ARHGAP22: variants seen among roughly 807,000 people sequenced by gnomAD.
ARHGAP22 encodes the protein Rho GTPase activating protein 22.
In ARHGAP22, 48 loss-of-function variants were observed where a neutral mutation model predicts 59.1. The observed-to-expected ratio is 0.81, with a 90% CI of 0.64 to 1.03. The LOEUF (loss-of-function observed/expected upper bound fraction) is 1.03, where lower values mean the gene tolerates loss of function less well. ARHGAP22 is among the 50% of genes least tolerant of loss of function. The probability of loss-of-function intolerance (pLI) is 0.00; values close to 1 mark genes in which losing one functional copy is unlikely to be tolerated. For synonymous variants in ARHGAP22, 445 were observed against 416.4 expected (o/e 1.07, Z -0.84); for missense variants, 1,015 against 958.7 (o/e 1.06, Z -0.78).
At chr10:48,474,563 T>A (rs374038772) in intron 4 of ARHGAP22, among the ~76,000 whole-genome samples, 5 of 152,224 alleles carry the variant, frequency 3.3e-5, no homozygotes, top group Non-Finnish European at 7.3e-5. Flanking sequence ...TATGTTATTA[T>A]CAGTGGGCTT....
At chr10:48,643,766 T>C (rs201442322) in intron 1 of ARHGAP22, among the ~76,000 whole-genome samples, 1 of 136,986 alleles carries the variant, frequency 7.3e-6, no homozygotes, top group African/African-American at 2.8e-5. Context: ...AAAAAAAAAA[T>C]ATATATATAT....
At chr10:48,593,455 C>T (rs1192474095) in intron 1 of ARHGAP22, among the ~76,000 whole-genome samples, 1 of 152,200 alleles carries the variant, frequency 6.6e-6, no homozygotes, top group East Asian at 1.9e-4. Context: ...CCTATACATA[C>T]ATATCTATGA....
At chr10:48,534,248 C>A (rs981759549) in intron 3 of ARHGAP22, among the ~76,000 whole-genome samples, 2 of 152,202 alleles carry the variant, frequency 1.3e-5, no homozygotes, top group Non-Finnish European at 2.9e-5. Flanking sequence ...ATTCCTGGGC[C>A]ACATTTTTCT....
chr10:48,547,550 C>T (rs937785294), intron 3 of ARHGAP22, among the ~76,000 whole-genome samples: 2 of 152,234 alleles, frequency 1.3e-5, no homozygotes, highest in African/African-American at 4.8e-5. Context: ...ATGGGGCTCC[C>T]AGCCCAAAGC....
rs2052918027 is a variant in ARHGAP22, at chr10:48,512,833, C to T, written c.323-33069G>A. On this transcript the variant is annotated intron_variant, in intron 3 of 9. Transcript: ENST00000249601. Reference sequence around the variant, plus strand: ...GACCAAGCCCTCGGGTACCTTAACCCACCTCCATGTCACCACTTAGCATTT... The same window carrying T: ...GACCAAGCCCTCGGGTACCTTAACCTACCTCCATGTCACCACTTAGCATTT... Among the ~76,000 whole-genome samples the T allele has an allele frequency of 2.6e-5, 4 of 152,186 alleles. No individual in the cohort carries two copies. In the South Asian group the frequency reaches 8.3e-4, roughly 32 times the overall value.
At chr10:48,604,482 C>T (rs1332970866) in intron 1 of ARHGAP22, among the ~76,000 whole-genome samples, 1 of 152,228 alleles carries the variant, frequency 6.6e-6, no homozygotes, top group Non-Finnish European at 1.5e-5. Flanking sequence ...CCTGGAGCGA[C>T]CGAGGGCCTC....
intron 1 of ARHGAP22, among the ~76,000 whole-genome samples, chr10:48,599,266 A>C (rs190520456): frequency 5.3e-4 from 80 of 152,314 alleles, no homozygotes; most frequent in African/African-American, 1.7e-3. Flanking sequence ...TGTTGCAAAC[A>C]AAAGTGACCC....
In ARHGAP22 at chr10:48,450,863, C is replaced by T. The variant is rs746500369; in HGVS notation, c.1266G>A (p.Val422=). The part of the protein sequence containing the change: ...PGSRCSPGKK[V]QTLPSWKSSF... ...AGGACTTCCAACTGGGCAGGGTCTG[C>T]ACCTTCTTCCCAGGGCTGCACCGGC... Residue 422 remains valine, a synonymous_variant, in exon 9 of 10, where the codon GTG becomes GTA. Coordinates refer to ENST00000249601, the MANE Select transcript of ARHGAP22 (RefSeq NM_021226.4). 3 of 1,590,186 alleles carry T rather than the reference C, an allele frequency of 1.9e-6. No homozygotes were observed. Among genetic ancestry groups the T allele is most frequent in the South Asian group, 1.2e-5 (1 of 86,386 alleles).
intron 2 of ARHGAP22, among the ~76,000 whole-genome samples, chr10:48,565,141 C>T (rs2120906): frequency 0.47 from 70,676 of 151,382 alleles, 18,281 homozygotes; most frequent in East Asian, 0.9. Context: ...CAGGTTTTAG[C>T]CCCAGACAGA....
intron 3 of ARHGAP22, among the ~76,000 whole-genome samples, chr10:48,530,718 G>A (rs74602801): frequency 2.0e-5 from 3 of 152,200 alleles, no homozygotes; most frequent in South Asian, 2.1e-4. Context: ...ACCACAACGC[G>A]ATACCACCTT....
At chr10:48,602,561 C>T (rs550174697) in intron 1 of ARHGAP22, among the ~76,000 whole-genome samples, 7 of 152,226 alleles carry the variant, frequency 4.6e-5, no homozygotes, top group African/African-American at 9.6e-5. Context: ...TCCTAAGTAC[C>T]GGGCCAGCTT....
upstream of ARHGAP22, among the ~76,000 whole-genome samples, chr10:48,655,267 G>GTGGT: frequency 7.2e-6 from 1 of 138,758 alleles, no homozygotes; most frequent in African/African-American, 3.0e-5. Flanking sequence ...GGGGGGGGGG[G>GTGGT]GGGGCGGGGG....
At chr10:48,556,148 G>A (rs2057295782) in intron 2 of ARHGAP22, among the ~76,000 whole-genome samples, 1 of 152,152 alleles carries the variant, frequency 6.6e-6, no homozygotes, top group Non-Finnish European at 1.5e-5. Flanking sequence ...CAGCTGGGCT[G>A]AAAGGTGCAG....
At chr10:48,563,105 A>G (rs11101385) in intron 2 of ARHGAP22, among the ~76,000 whole-genome samples, 53,993 of 150,520 alleles carry the variant, frequency 0.36, 10,705 homozygotes, top group East Asian at 0.86. Flanking sequence ...AATCACTCCG[A>G]CTCTGACCTC....
At chr10:48,533,110 C>G (rs1351938688) in intron 3 of ARHGAP22, among the ~76,000 whole-genome samples, 1 of 152,000 alleles carries the variant, frequency 6.6e-6, no homozygotes, top group Non-Finnish European at 1.5e-5. Context: ...TAACAAGAAC[C>G]CCTGTCCCCG....
At chr10:48,615,225 G>A (rs929848893) in intron 1 of ARHGAP22, among the ~76,000 whole-genome samples, 2 of 152,200 alleles carry the variant, frequency 1.3e-5, no homozygotes, top group Non-Finnish European at 2.9e-5. Context: ...AAACACGGTT[G>A]TAAATTTCTG....
chr10:48,461,709 A>G (rs1412356266), intron 4 of ARHGAP22, among the ~76,000 whole-genome samples: 1 of 152,168 alleles, frequency 6.6e-6, no homozygotes, highest in Non-Finnish European at 1.5e-5. Flanking sequence ...GCCAGCCCCT[A>G]AGCTCTACAA....
intron 3 of ARHGAP22, among the ~76,000 whole-genome samples, chr10:48,545,502 G>A (rs900262446): frequency 6.6e-5 from 10 of 152,186 alleles, no homozygotes; most frequent in African/African-American, 1.7e-4. Flanking sequence ...ATCATCTGGC[G>A]CTCTGCAGAC....
rs1323203084 is a variant in ARHGAP22 at position 48,583,106 on chromosome 10, C to T, written c.81G>A (p.Gly27=). The change falls in exon 2 of 10, where the codon GGG becomes GGA. Residue 27 remains glycine, a synonymous_variant. Coordinates refer to ENST00000249601, the MANE Select transcript of ARHGAP22 (RefSeq NM_021226.4). ...CCAGCCTGTGAGGGCACGGCATCCG[C>T]CCAGGGCTCCGGCTCTGCTCCCCCA... is the stretch of plus-strand genomic sequence containing the variant. The part of the protein sequence containing the change: ...LVMGEQSRSP[G]RMPCPHRLGP... 6 of 1,614,266 alleles carry T rather than the reference C, an allele frequency of 3.7e-6. No homozygotes were observed. The highest frequency in any genetic ancestry group is 1.7e-5 in the Admixed American group (1 of 60,030).
Sources: allele counts gnomAD v4.1 joint callset (sites outside exome capture counted in the v4.1 genomes callset), GRCh38; gene constraint gnomAD v4.1.1; transcripts MANE v1.5; gene names NCBI Gene and HGNC (gene_info 2026-07-23, HGNC 2026-07-21).